Variants in PDE3A observed in about 807,000 individuals in gnomAD.
PDE3A encodes phosphodiesterase 3A, also known as cGMP-inhibited 3',5'-cyclic phosphodiesterase 3A.
In PDE3A, 43 loss-of-function variants were observed where a neutral mutation model predicts 98.3. The observed-to-expected ratio is 0.44, with a 90% CI of 0.34 to 0.56. The LOEUF (loss-of-function observed/expected upper bound fraction) is 0.56. Among genes scored for constraint, PDE3A ranks in the 20% least tolerant of loss-of-function variants. The pLI is 0.01. For synonymous variants in PDE3A, 663 were observed against 567.9 expected (o/e 1.17, Z -2.38); for missense variants, 1,427 against 1,440.7 (o/e 0.99, Z 0.15).
intron 2 of PDE3A, among the ~76,000 whole-genome samples, chr12:20,609,408 T>G (rs190062044): frequency 1.3e-5 from 2 of 152,128 alleles, no homozygotes; most frequent in East Asian, 3.9e-4. Flanking sequence ...TGAAAAGAAT[T>G]GAACACAGAA....
At position 20,639,938 on chromosome 12, in the gene PDE3A, T is replaced by G; in HGVS notation, c.2232T>G (p.Ile744Met). ...EFMNYFHALEIGYRDIPYHNR... is the reference protein window; with the variant it reads ...EFMNYFHALEMGYRDIPYHNR... ...TGAATTATTTTCATGCTTTGGAGAT[T>G]GGATATAGGGATATTCCTTGTAAGT... is the stretch of plus-strand genomic sequence containing the variant. The change falls in exon 10 of 16, where the codon ATT (isoleucine) becomes ATG (methionine). Residue 744 changes from isoleucine to methionine, a missense_variant. By Grantham distance (10) the Ile-to-Met change is conservative. Around this residue, in one of 3 missense-constraint regions of PDE3A, gnomAD observed 273 missense variants for 420.3 expected, o/e 0.65. Coordinates refer to ENST00000359062, the MANE Select transcript of PDE3A (RefSeq NM_000921.5). 1.4e-6 allele frequency: 2 copies of G among 1,408,096 alleles called. No individual in the cohort carries two copies. The highest frequency in any genetic ancestry group is 1.0e-6 in the Non-Finnish European group (1 of 993,216). The allele number at this position is 1,408,096 out of a possible 1,614,324, so 87.2% of individuals were successfully genotyped here.
At chr12:20,653,244 A>G (rs73082641) in intron 14 of PDE3A, among the ~76,000 whole-genome samples, 11,288 of 152,284 alleles carry the variant, frequency 0.074, 574 homozygotes, top group Non-Finnish European at 0.11. Flanking sequence ...TTAAAATTCA[A>G]ACAAAATCTG....
chr12:20,667,063 T>C (rs1454899367), intron 15 of PDE3A, among the ~76,000 whole-genome samples: 5 of 152,286 alleles, frequency 3.3e-5, no homozygotes, highest in Middle Eastern at 3.4e-3. Flanking sequence ...TGTTGGCCAT[T>C]TGTATGTTTT....
intron 1 of PDE3A, among the ~76,000 whole-genome samples, chr12:20,425,881 GT>G: frequency 6.6e-6 from 1 of 152,238 alleles, no homozygotes; most frequent in East Asian, 1.9e-4. Context: ...CTTCTTACAG[GT>G]TGTGTGATTT....
At chr12:20,400,665 G>T (rs189663287) in intron 1 of PDE3A, among the ~76,000 whole-genome samples, 2 of 152,012 alleles carry the variant, frequency 1.3e-5, no homozygotes, top group African/African-American at 4.8e-5. Context: ...TGATCCGCCC[G>T]CCTCGGCCTC....
chr12:20,391,469 G>T (rs917299098), intron 1 of PDE3A, among the ~76,000 whole-genome samples: 1 of 150,672 alleles, frequency 6.6e-6, no homozygotes, highest in South Asian at 2.1e-4. Flanking sequence ...GTCCGGAAGT[G>T]CAATCCACTG....
At chr12:20,432,862 G>A (rs1944720247) in intron 1 of PDE3A, among the ~76,000 whole-genome samples, 1 of 151,884 alleles carries the variant, frequency 6.6e-6, no homozygotes, top group African/African-American at 2.4e-5. Context: ...CTTTCAGTAT[G>A]CTTTTTTTTT....
intron 1 of PDE3A, among the ~76,000 whole-genome samples, chr12:20,542,120 A>G (rs756808047): frequency 1.3e-5 from 2 of 152,046 alleles, no homozygotes; most frequent in Non-Finnish European, 2.9e-5. Context: ...AGCAGGGAAA[A>G]TGTTTGGAAT....
At chr12:20,455,332 G>C (rs534316606) in intron 1 of PDE3A, among the ~76,000 whole-genome samples, 1 of 151,810 alleles carries the variant, frequency 6.6e-6, no homozygotes, top group East Asian at 2.0e-4. Context: ...TGTGAGTTTA[G>C]GTTCCTTACA....
rs1329270832 is a variant in PDE3A, at chr12:20,681,708, T to G, written c.*1437T>G. On this transcript the variant is annotated 3_prime_UTR_variant, in exon 16 of 16. Coordinates refer to ENST00000359062, the MANE Select transcript of PDE3A (RefSeq NM_000921.5). ...GAGAGATTGTTTGAAGATTGGGTTA[T>G]TATTGAAAGTCTTTTTTTTTGTTTG... 1.3e-5 allele frequency: 2 copies of G among 152,198 alleles called. No individual in the cohort carries two copies. The highest frequency in any genetic ancestry group is 1.5e-5 in the Non-Finnish European group (1 of 68,046). 9.4% of individuals were successfully genotyped at this position (152,198 alleles called of 1,614,324 possible).
At chr12:20,402,113 C>T (rs1944143345) in intron 1 of PDE3A, among the ~76,000 whole-genome samples, 1 of 152,066 alleles carries the variant, frequency 6.6e-6, no homozygotes, top group Admixed American at 6.6e-5. Context: ...CCAAGTTAAA[C>T]AGTAGGGAGC....
chr12:20,687,299 A>G lies in PDE3A; in HGVS notation c.*7028A>G, dbSNP rs180815856. Reference sequence around the variant, plus strand: ...TCCATCTTATATCAGCGATGATTTCATTTTAACTATTTATAAGGATAATTT... The same window carrying G: ...TCCATCTTATATCAGCGATGATTTCGTTTTAACTATTTATAAGGATAATTT... On this transcript the variant is annotated 3_prime_UTR_variant, in exon 16 of 16. Coordinates refer to ENST00000359062, the MANE Select transcript of PDE3A (RefSeq NM_000921.5). Among the ~76,000 whole-genome samples, 333 of 152,144 alleles carry G rather than the reference A, an allele frequency of 2.2e-3. 5 individuals carry two copies. Among genetic ancestry groups the G allele is most frequent in the African/African-American group, 7.1e-3 (295 of 41,558 alleles).
intron 2 of PDE3A, among the ~76,000 whole-genome samples, chr12:20,566,381 A>G (rs1388665487): frequency 6.6e-6 from 1 of 152,002 alleles, no homozygotes; most frequent in African/African-American, 2.4e-5. Flanking sequence ...CTTCTGGGTG[A>G]CAATTTCCAC....
At chr12:20,607,178 C>CCTT (rs1230248030) in intron 2 of PDE3A, among the ~76,000 whole-genome samples, 1 of 151,996 alleles carries the variant, frequency 6.6e-6, no homozygotes, top group Non-Finnish European at 1.5e-5. Context: ...GTGGCTAACA[C>CCTT]CTTTAATTTC....
chr12:20,551,706 C>T, intron 1 of PDE3A: 9 of 1,613,388 alleles, frequency 5.6e-6, no homozygotes, highest in Non-Finnish European at 6.8e-6. Context: ...ACGAGTGGTA[C>T]TGCCCTGAGT....
chr12:20,544,712 G>A (rs1942005884), intron 1 of PDE3A, among the ~76,000 whole-genome samples: 1 of 151,828 alleles, frequency 6.6e-6, no homozygotes, highest in Non-Finnish European at 1.5e-5. Flanking sequence ...GCTGGGTTAT[G>A]TTACATTTCT....
At chr12:20,521,326 A>G (rs1946421635) in intron 1 of PDE3A, among the ~76,000 whole-genome samples, 1 of 152,150 alleles carries the variant, frequency 6.6e-6, no homozygotes, top group African/African-American at 2.4e-5. Context: ...AGGAGTGGTA[A>G]CATGAATAAT....
chr12:20,540,035 G>A (rs1401164543), intron 1 of PDE3A, among the ~76,000 whole-genome samples: 1 of 152,090 alleles, frequency 6.6e-6, no homozygotes, highest in Non-Finnish European at 1.5e-5. Context: ...ACTGTGCAAT[G>A]TTGTAAACTA....
At position 20,552,379 on chromosome 12, in the gene PDE3A, G is replaced by A; in HGVS notation, c.961-4281G>A. 12 of 1,613,510 alleles carry A rather than the reference G, an allele frequency of 7.4e-6. No homozygotes were observed. In the South Asian group the frequency reaches 7.7e-5, roughly 10 times the overall value. ...GTGGCGCTACCTTCTGCGGAGGGAC[G>A]ATGATGAGCCCGGCCCTTGGACGAA... On this transcript the variant is annotated intron_variant, in intron 1 of 15. Transcript: ENST00000359062. The surrounding 1 kb of genome is among the most constrained non-coding windows in gnomAD (Gnocchi z 5.1).
Sources: allele counts gnomAD v4.1 joint callset (sites outside exome capture counted in the v4.1 genomes callset), GRCh38; gene constraint gnomAD v4.1.1; regional missense constraint gnomAD v4.1.1; non-coding constraint Gnocchi (gnomAD v3.1); transcripts MANE v1.5; gene names NCBI Gene and HGNC (gene_info 2026-07-23, HGNC 2026-07-21).